Variants in ZNF385C observed in about 807,000 individuals in gnomAD.
ZNF385C encodes CTD-2132N18.2.
A neutral mutation model predicts 35.4 loss-of-function variants in ZNF385C; 28 were observed. The observed-to-expected ratio is 0.79, with a 90% confidence interval of 0.59 to 1.08. The LOEUF is 1.08. Ranked by LOEUF, ZNF385C falls within the 50% of genes least tolerant of loss-of-function variation. ZNF385C has a pLI of 0.00. For missense variants in ZNF385C, 605 were observed against 595.6 expected (o/e 1.02, Z -0.16); for synonymous variants, 248 against 248.2 (o/e 1.00, Z 0.01).
At chr17:42,078,698 C>G (rs1210315929) in intron 1 of ZNF385C, among the ~76,000 whole-genome samples, 5 of 152,204 alleles carry the variant, frequency 3.3e-5, no homozygotes, top group Admixed American at 6.5e-5. Context: ...GCTCCAGATA[C>G]AGGCCACGTG....
chr17:42,039,525 C>T, intron 2 of ZNF385C: 1 of 441,162 alleles, frequency 2.3e-6, no homozygotes, highest in Non-Finnish European at 3.4e-6. Flanking sequence ...CAGTCCCTTC[C>T]TCCACAGCCC....
intron 7 of ZNF385C, 157 bp downstream of exon 7, chr17:42,027,893 G>T: frequency 1.7e-6 from 2 of 1,212,044 alleles, no homozygotes; most frequent in Non-Finnish European, 1.2e-6. Flanking sequence ...GTGAGTCTTG[G>T]CCTTTGCCCT....
rs781974931 is a variant in ZNF385C, at chr17:42,028,804, G to C, written c.946C>G (p.Gln316Glu). The stretch of plus-strand genomic sequence containing the variant: ...TGACCTGTGTTGTGAGCCTGAAGCT[G>C]GGAGGCCGAGTTCACTGTCACCTTA... ...TCKVTVNSAS[Q>E]LQAHNTGAKH... Residue 316 changes from glutamine (Q) to glutamate (E), a missense_variant, in exon 6 of 9, where the codon CAG (glutamine) becomes GAG (glutamate). Physicochemically the swap from Gln to Glu is conservative, Grantham distance 29. Coordinates refer to ENST00000692273, the MANE Select transcript of ZNF385C (RefSeq NM_001392013.1). 4 of 1,550,226 alleles carry C rather than the reference G, an allele frequency of 2.6e-6. No homozygotes were observed. The South Asian group carries it at 4.8e-5, about 18-fold the overall frequency.
At chr17:42,067,607 C>T (rs1268189355) in intron 1 of ZNF385C, among the ~76,000 whole-genome samples, 1 of 152,166 alleles carries the variant, frequency 6.6e-6, no homozygotes. Flanking sequence ...GCTCTTCCCA[C>T]AGAGGGCACA....
chr17:42,093,546 C>T (rs949719119), intron 1 of ZNF385C, among the ~76,000 whole-genome samples: 1 of 151,814 alleles, frequency 6.6e-6, no homozygotes, highest in African/African-American at 2.4e-5. Flanking sequence ...GATGAGCCAT[C>T]AGCTCTTTAT....
chr17:42,037,378 TACACACACACACACACACACACAC>T (rs5820441), intron 3 of ZNF385C, among the ~76,000 whole-genome samples: 9 of 144,534 alleles, frequency 6.2e-5, no homozygotes, highest in African/African-American at 2.1e-4. Context: ...AGGCACAGGT[TACACACACACACACACACACACAC>T]ACACACACAC....
In ZNF385C at chr17:42,026,181, CAG is replaced by C. The variant is rs1555654160; in HGVS notation, c.*714_*715del. ...CACCACTGCACTCTAACCTGGGCAA[CAG>C]AATGATACTCTCAGACAGAAAAAAA... On this transcript the variant is annotated 3_prime_UTR_variant, in exon 9 of 9. Transcript: ENST00000692273. The C allele has an allele frequency of 6.6e-6, 1 of 152,382 alleles. No homozygotes were observed. The highest frequency in any genetic ancestry group is 1.5e-5 in the Non-Finnish European group (1 of 68,276). The allele number at this position is 152,382 out of a possible 1,614,324, so 9.4% of individuals were successfully genotyped here. A position where few individuals can be genotyped will look rare whatever the true frequency, so the allele number is the denominator to read the frequency against.
chr17:42,026,845 G>T lies in ZNF385C; in HGVS notation c.*52C>A. 6.7e-7 allele frequency: 1 copy of T among 1,503,658 alleles called. No individual in the cohort carries two copies. Among genetic ancestry groups the T allele is most frequent in the Non-Finnish European group, 9.1e-7 (1 of 1,101,538 alleles). 93.1% of individuals were successfully genotyped at this position (1,503,658 alleles called of 1,614,324 possible). On this transcript the variant is annotated 3_prime_UTR_variant, in exon 9 of 9. Coordinates refer to ENST00000692273, the MANE Select transcript of ZNF385C (RefSeq NM_001392013.1). The stretch of plus-strand genomic sequence containing the variant: ...AGGAAACCAAGGTGTCTCAGGACAG[G>T]AGGAGACAAGGAGTGGCTATTGGGA...
intron 1 of ZNF385C, among the ~76,000 whole-genome samples, chr17:42,072,274 G>T (rs1275089969): frequency 1.3e-5 from 2 of 152,066 alleles, no homozygotes; most frequent in African/African-American, 2.4e-5. Flanking sequence ...GGGTGGGTGG[G>T]AGTAGAGGGG....
At chr17:42,067,929 G>A (rs1179496724) in intron 1 of ZNF385C, among the ~76,000 whole-genome samples, 4 of 152,190 alleles carry the variant, frequency 2.6e-5, no homozygotes, top group Non-Finnish European at 4.4e-5. Flanking sequence ...TATGACAGGC[G>A]GGCCGGGGAC....
At chr17:42,034,799 GAAAAGAAAAAGA>G (rs767923414) in intron 3 of ZNF385C, among the ~76,000 whole-genome samples, 4 of 132,358 alleles carry the variant, frequency 3.0e-5, no homozygotes, top group African/African-American at 1.2e-4. Flanking sequence ...AAAAAAAAAA[GAAAAGAAAAAGA>G]AAAAGAAAAG....
chr17:42,062,570 C>A (rs1229210208), intron 2 of ZNF385C: 15 of 380,912 alleles, frequency 3.9e-5, no homozygotes, highest in African/African-American at 2.5e-4. Context: ...GAAACAAAGA[C>A]CCAAGAGGCG....
intron 1 of ZNF385C, among the ~76,000 whole-genome samples, chr17:42,072,018 G>A (rs181798242): frequency 2.0e-5 from 3 of 152,142 alleles, no homozygotes; most frequent in African/African-American, 4.8e-5. Context: ...CTGCACGTTG[G>A]GGGTAGGAAG....
At chr17:42,060,994 C>T (rs1037979787) in intron 2 of ZNF385C, among the ~76,000 whole-genome samples, 8 of 152,142 alleles carry the variant, frequency 5.3e-5, no homozygotes, top group Non-Finnish European at 8.8e-5. Flanking sequence ...GGATTACAGG[C>T]GTGAGCCTGG....
At position 42,083,068 on chromosome 17, in the gene ZNF385C, C is replaced by T. The variant is rs561567801; in HGVS notation, c.-3+15342G>A. Reference sequence around the variant, plus strand: ...CTCCAGCATGGGCAATAGAATGAAACTCCTTCTCAAAAAAACCAAAACAAC... The same window carrying T: ...CTCCAGCATGGGCAATAGAATGAAATTCCTTCTCAAAAAAACCAAAACAAC... On this transcript the variant is annotated intron_variant, in intron 1 of 8. Transcript: ENST00000692273. Among the ~76,000 whole-genome samples the T allele has an allele frequency of 3.3e-5, 5 of 152,200 alleles. No individual in the cohort carries two copies. In the South Asian group the frequency reaches 1.0e-3, roughly 32 times the overall value.
chr17:42,078,806 G>C (rs548098789), intron 1 of ZNF385C, among the ~76,000 whole-genome samples: 1 of 152,204 alleles, frequency 6.6e-6, no homozygotes, highest in African/African-American at 2.4e-5. Context: ...GGGAGGAGGT[G>C]GGGGAGAGAG....
At position 42,027,904 on chromosome 17, in the gene ZNF385C, T is replaced by C. The variant is rs186155621; in HGVS notation, c.1164+146A>G. The C allele has an allele frequency of 7.4e-4, 915 of 1,239,790 alleles. 3 individuals carry two copies. The Middle Eastern group carries it at 8.4e-3, about 11-fold the overall frequency. 76.8% of individuals were successfully genotyped at this position (1,239,790 alleles called of 1,614,324 possible). ...GGAGGTGAGTCTTGGCCTTTGCCCT[T>C]AATTGGCCCACTGGCCTGCTGGCCT... On this transcript the variant is annotated intron_variant, in intron 7 of 8. Transcript: ENST00000692273.
chr17:42,034,746 T>G (rs2052805777), intron 3 of ZNF385C, among the ~76,000 whole-genome samples: 1 of 141,674 alleles, frequency 7.1e-6, no homozygotes. Flanking sequence ...AGCAGGCCAT[T>G]ACACTCCAGC....
At chr17:42,030,286 G>T (rs556389459) in intron 5 of ZNF385C, among the ~76,000 whole-genome samples, 8 of 152,220 alleles carry the variant, frequency 5.3e-5, no homozygotes, top group African/African-American at 1.9e-4. Flanking sequence ...TCAGGAGTTC[G>T]AGACCAGCCT....
Sources: gnomAD v4.1 joint callset for allele counts (sites outside exome capture counted in the v4.1 genomes callset) on GRCh38, gnomAD v4.1.1 for gene constraint, MANE v1.5 for transcripts, NCBI Gene and HGNC (gene_info 2026-07-23, HGNC 2026-07-21) for gene names.